The following OR13C3 variants were observed in gnomAD, a reference collection of about 807,000 sequenced individuals.
The protein encoded by OR13C3 is olfactory receptor 13C3.
A neutral mutation model predicts 14.4 loss-of-function variants in OR13C3; 19 were observed. The observed-to-expected ratio is 1.31, with a 90% confidence interval of 0.92 to 1.93. The LOEUF is 1.93. Ranked by LOEUF, OR13C3 falls within the 30% of genes most tolerant of loss-of-function variation. The pLI is 0.00. For missense variants in OR13C3, 394 were observed against 381.4 expected (o/e 1.03, Z -0.27); for synonymous variants, 140 against 142.5 (o/e 0.98, Z 0.12).
At chr9:104,535,976 T>C (rs550821721) in exon 1 of OR13C3, 2 of 1,613,840 alleles carry the variant, frequency 1.2e-6, no homozygotes, top group East Asian at 2.2e-5. Flanking sequence ...CCGTAAAATA[T>C]GATCACCACA....
exon 1 of OR13C3, chr9:104,535,846 G>A: frequency 6.2e-7 from 1 of 1,613,576 alleles, no homozygotes; most frequent in Non-Finnish European, 8.5e-7. Flanking sequence ...ATAGAGTATA[G>A]GATTCAGCAT....
At chr9:104,536,442 G>A (rs761900900) in exon 1 of OR13C3, 2 of 1,614,060 alleles carry the variant, frequency 1.2e-6, no homozygotes, top group South Asian at 2.2e-5. Flanking sequence ...CACATCCAGA[G>A]AAGGAAATGT....
At chr9:104,536,821 A>G (rs2118428060) in exon 1 of OR13C3, 1 of 1,597,414 alleles carries the variant, frequency 6.3e-7, no homozygotes, top group South Asian at 1.1e-5. Context: ...CATTCTTTTG[A>G]CACATATTAG....
At position 104,536,633 on chromosome 9, in the gene OR13C3, TGA is replaced by T; in HGVS notation, c.89_90del (p.Leu30HisfsTer22). 6.2e-7 allele frequency: 1 copy of T among 1,614,094 alleles called. No homozygotes were observed. The highest frequency in any genetic ancestry group is 8.5e-7 in the Non-Finnish European group (1 of 1,179,990). On this transcript the variant is annotated frameshift_variant, in exon 1 of 1. Coordinates refer to ENST00000641090, the Ensembl canonical transcript of OR13C3. LOFTEE classifies it high-confidence loss of function. ...AGAATCACTAGGTACATAACTAGAA[TGA>T]GAGCAAAGTAAACAATCTCAATCTT... is the stretch of plus-strand genomic sequence containing the variant.
exon 1 of OR13C3, chr9:104,536,649 A>G (rs1486067359): frequency 1.2e-6 from 2 of 1,614,138 alleles, no homozygotes; most frequent in African/African-American, 2.7e-5. Flanking sequence ...CAAAGTAAAC[A>G]ATCTCAATCT....
exon 1 of OR13C3, chr9:104,536,662 G>A: frequency 1.2e-6 from 2 of 1,613,992 alleles, no homozygotes; most frequent in Non-Finnish European, 1.7e-6. Flanking sequence ...CTCAATCTTT[G>A]GGTATCCAGA....
Position 104,536,549 on chromosome 9 carries a change from T to TTGGTG in OR13C3, c.170_174dup (p.Met59HisfsTer27). 1.9e-6 allele frequency: 3 copies of TTGGTG among 1,614,140 alleles called. No individual in the cohort carries two copies. The highest frequency in any genetic ancestry group is 3.3e-4 in the Middle Eastern group (2 of 6,062). ...GAGAGGTTGCCCAGGAAGAAGTACA[T>TTGGTG]TGGTGTGTGAAAATGAGAATCAAAG... On this transcript the variant is annotated frameshift_variant, in exon 1 of 1. Transcript: ENST00000641090. LOFTEE classifies it high-confidence loss of function.
chr9:104,536,163 C>T (rs41305445), exon 1 of OR13C3: 156,675 of 1,613,566 alleles, frequency 0.097, 8,393 homozygotes, highest in African/African-American at 0.21. Context: ...CAGCACAGGC[C>T]AGCTTGAGGA....
At chr9:104,535,838 A>G in exon 1 of OR13C3, 2 of 1,613,654 alleles carry the variant, frequency 1.2e-6, no homozygotes, top group Non-Finnish European at 1.7e-6. Flanking sequence ...CTCAAGCTAT[A>G]GAGTATAGGA....
chr9:104,536,074 G>C (rs753678810), exon 1 of OR13C3: 1 of 1,613,972 alleles, frequency 6.2e-7, no homozygotes, highest in South Asian at 1.1e-5. Context: ...GAACATATAG[G>C]AGAAAAAAAT....
At chr9:104,536,715 C>T in exon 1 of OR13C3, 1 of 1,613,838 alleles carries the variant, frequency 6.2e-7, no homozygotes, top group Non-Finnish European at 8.5e-7. Flanking sequence ...TCTGGTTAAT[C>T]TCACCCATGT....
At chr9:104,536,822 C>T (rs1000379466) in exon 1 of OR13C3, 4 of 1,595,546 alleles carry the variant, frequency 2.5e-6, no homozygotes, top group Non-Finnish European at 3.4e-6. Flanking sequence ...ATTCTTTTGA[C>T]ACATATTAGA....
In OR13C3 at chr9:104,536,431, G is replaced by C. The variant is rs1828818137; in HGVS notation, c.293C>G (p.Ala98Gly). The C allele has an allele frequency of 9.3e-6, 15 of 1,614,148 alleles. No individual in the cohort carries two copies. Among genetic ancestry groups the C allele is most frequent in the Non-Finnish European group, 1.3e-5 (15 of 1,180,010 alleles). The stretch of plus-strand genomic sequence containing the variant: ...TGCAAACCCAAAGAACATCTGCACT[G>C]CACATCCAGAGAAGGAAATGTTTCT... Residue 98 changes from alanine to glycine, a missense_variant, in exon 1 of 1, where the codon GCA becomes GGA. Transcript: ENST00000641090.
exon 1 of OR13C3, chr9:104,536,283 C>T (rs1470509187): frequency 1.9e-6 from 3 of 1,614,022 alleles, no homozygotes; most frequent in Middle Eastern, 1.6e-4. Flanking sequence ...ACAGCCAGGA[C>T]ACAGAAGCCA....
chr9:104,536,355 A>G (rs756106703), exon 1 of OR13C3: 6 of 1,614,034 alleles, frequency 3.7e-6, no homozygotes, highest in Admixed American at 1.7e-5. Flanking sequence ...AGATGGCCAC[A>G]TAACGATCAA....
chr9:104,536,192 C>G (rs771132840), exon 1 of OR13C3: 2 of 1,613,844 alleles, frequency 1.2e-6, no homozygotes, highest in African/African-American at 1.3e-5. Flanking sequence ...ATTTCACATG[C>G]GAAATGATTG....
exon 1 of OR13C3, chr9:104,536,067 C>T (rs370500110): frequency 2.5e-6 from 4 of 1,613,716 alleles, no homozygotes; most frequent in Non-Finnish European, 3.4e-6. Flanking sequence ...AGAGGATGAA[C>T]ATATAGGAGA....
exon 1 of OR13C3, chr9:104,536,406 T>C (rs1490840309): frequency 2.0e-5 from 32 of 1,614,106 alleles, no homozygotes; most frequent in Non-Finnish European, 2.7e-5. Context: ...TTGACCCCAT[T>C]GCAAACCCAA....
exon 1 of OR13C3, chr9:104,536,645 A>G (rs750300881): frequency 1.2e-6 from 2 of 1,614,030 alleles, no homozygotes; most frequent in Non-Finnish European, 1.7e-6. Context: ...AGAGCAAAGT[A>G]AACAATCTCA....
Sources: gnomAD v4.1 joint callset for allele counts on GRCh38, gnomAD v4.1.1 for gene constraint, MANE v1.5 for transcripts, NCBI Gene and HGNC (gene_info 2026-07-23, HGNC 2026-07-21) for gene names.